The following ADAMTS9 variants were observed in gnomAD, a reference collection of about 807,000 sequenced individuals.
ADAMTS9 encodes the protein ADAM metallopeptidase with thrombospondin type 1 motif 9, also known as A disintegrin and metalloproteinase with thrombospondin motifs 9.
ADAMTS9 carries 107 observed loss-of-function variants against 257.1 expected under a neutral mutation model. That is an observed-to-expected ratio of 0.42 (90% confidence interval 0.36 to 0.49). ADAMTS9 has a LOEUF of 0.49. Among genes scored for constraint, ADAMTS9 ranks in the 20% least tolerant of loss-of-function variants. The pLI, the probability that ADAMTS9 is intolerant of heterozygous loss-of-function variation, is 0.03. For missense variants in ADAMTS9, 2,353 were observed against 2,469.1 expected, an observed-to-expected ratio of 0.95 and a Z score of 1.00; for synonymous variants, 982 against 880.9, an observed-to-expected ratio of 1.11 and a Z score of -2.03.
At chr3:64,536,955 C>A (rs1256053964) in intron 37 of ADAMTS9, among the ~76,000 whole-genome samples, 2 of 152,192 alleles carry the variant, frequency 1.3e-5, no homozygotes, top group Non-Finnish European at 2.9e-5. Flanking sequence ...CATCATTCTG[C>A]TTTGATTTCT....
At chr3:64,630,462 C>T (rs1000826500) in intron 16 of ADAMTS9, among the ~76,000 whole-genome samples, 1 of 152,094 alleles carries the variant, frequency 6.6e-6, no homozygotes, top group Non-Finnish European at 1.5e-5. Flanking sequence ...TGCCTATAGT[C>T]CCAGCTACTC....
At chr3:64,666,463 G>C (rs1701356069) in intron 3 of ADAMTS9, among the ~76,000 whole-genome samples, 2 of 152,178 alleles carry the variant, frequency 1.3e-5, no homozygotes, top group Non-Finnish European at 2.9e-5. Context: ...ACCCCTTTCT[G>C]CTCCACCCAA....
At chr3:64,654,277 T>TAAAAAAAAAAA (rs1701002116) in intron 8 of ADAMTS9, 76 bp downstream of exon 8, 1 of 1,416,232 alleles carries the variant, frequency 7.1e-7, no homozygotes, top group African/African-American at 1.4e-5. Context: ...GAAAGTCAAG[T>TAAAAAAAAAAA]AAATGCTCAC....
chr3:64,658,807 T>G lies in ADAMTS9; in HGVS notation c.680-16A>C. ...TTTTTGTGTTCTGTAACAAATCAGA[T>G]GGTATGCATTACATTTCAAGCCACA... On this transcript the variant is annotated splice_polypyrimidine_tract_variant and intron_variant, in intron 3 of 39. Transcript: ENST00000498707. The G allele has an allele frequency of 6.2e-7, 1 of 1,600,878 alleles. No homozygotes were observed. The highest frequency in any genetic ancestry group is 8.5e-7 in the Non-Finnish European group (1 of 1,173,818).
At chr3:64,544,654 A>G (rs973260319) in intron 32 of ADAMTS9, among the ~76,000 whole-genome samples, 1 of 152,234 alleles carries the variant, frequency 6.6e-6, no homozygotes, top group Non-Finnish European at 1.5e-5. Flanking sequence ...CTAAAACCAT[A>G]AAAACCCTAG....
In ADAMTS9 at chr3:64,622,213, T is replaced by A; in HGVS notation, c.2671A>T (p.Ser891Cys). 6.2e-7 allele frequency: 1 copy of A among 1,613,796 alleles called. No homozygotes were observed. Residue 891 changes from serine (S) to cysteine (C), a missense_variant, in exon 18 of 40, where the codon AGT (serine) becomes TGT (cysteine). Transcript: ENST00000498707. ...AAGCAGATACCTTGGCAGGGTTTAC[T>A]GCATGCTTGCCATGGCCCATGACTG... ...WNSHGPWQAC[S>C]KPCQGERKRK...
rs2084755987 is a variant in ADAMTS9, at chr3:64,616,021, T to C, written c.2963A>G (p.Asn988Ser). The C allele has an allele frequency of 6.2e-7, 1 of 1,613,982 alleles. No homozygotes were observed. The highest frequency in any genetic ancestry group is 8.5e-7 in the Non-Finnish European group (1 of 1,179,966). ...ACATTCCCCTGAGCATTTTTCACGG[T>C]TGCTTGGTTTGGGATGGCTGCTGCA... ...GFCSSHPKPS[N>S]REKCSGECNT... The change falls in exon 20 of 40, where the codon AAC (asparagine) becomes AGC (serine). Residue 988 changes from asparagine (N) to serine (S), a missense_variant. Asn to Ser is a conservative substitution (Grantham distance 46). Coordinates refer to ENST00000498707, the MANE Select transcript of ADAMTS9 (RefSeq NM_182920.2).
At chr3:64,575,334 G>A (rs749496219) in intron 28 of ADAMTS9, among the ~76,000 whole-genome samples, 11 of 152,310 alleles carry the variant, frequency 7.2e-5, no homozygotes, top group Non-Finnish European at 1.5e-4. Flanking sequence ...AGGTCACACA[G>A]CAGGGAAGGA....
intron 6 of ADAMTS9, among the ~76,000 whole-genome samples, chr3:64,655,191 C>T (rs995567412): frequency 6.6e-6 from 1 of 152,226 alleles, no homozygotes; most frequent in Non-Finnish European, 1.5e-5. Context: ...ACGCCAGGTC[C>T]ATCTGAACAG....
At chr3:64,535,271 C>A (rs997889501) in intron 37 of ADAMTS9, among the ~76,000 whole-genome samples, 38 of 152,060 alleles carry the variant, frequency 2.5e-4, no homozygotes, top group African/African-American at 8.2e-4. Flanking sequence ...CCCAGATGCT[C>A]GGGAGACTGA....
intron 28 of ADAMTS9, chr3:64,582,938 C>A (rs1226616589): frequency 6.6e-6 from 1 of 152,148 alleles, no homozygotes; most frequent in South Asian, 2.1e-4. Context: ...CTGACCAATC[C>A]CTAGATACTG....
intron 31 of ADAMTS9, chr3:64,550,668 C>A (rs1008778480): frequency 1.6e-5 from 9 of 554,112 alleles, no homozygotes; most frequent in Non-Finnish European, 1.9e-5. Context: ...AGAATGTAGA[C>A]CTGAAGGGAC....
rs1206107650 is a variant in ADAMTS9 at position 64,535,532 on chromosome 3, A to ATTTTC, written c.5614-2267_5614-2263dup. 3.4e-4 allele frequency among the ~76,000 whole-genome samples: 45 copies of ATTTTC among 133,844 alleles called. 1 individual carries two copies. Among genetic ancestry groups the ATTTTC allele is most frequent in the African/African-American group, 1.2e-3 (42 of 35,678 alleles). The allele number at this position is 133,844 out of a possible 152,430, so 87.8% of individuals were successfully genotyped here. A position where few individuals can be genotyped will look rare whatever the true frequency, so the allele number is the denominator to read the frequency against. On this transcript the variant is annotated intron_variant, in intron 37 of 39. Coordinates refer to ENST00000498707, the MANE Select transcript of ADAMTS9 (RefSeq NM_182920.2). ...TGTATGTTGCATTATTCCATTGGCCATTTTCTTTTCTTTTCTTTTCTTTTT... is the reference window on the plus strand; with the variant it reads ...TGTATGTTGCATTATTCCATTGGCCATTTTCTTTTCTTTTCTTTTCTTTTCTTTTT...
chr3:64,605,546 C>G (rs2084542516), intron 23 of ADAMTS9, among the ~76,000 whole-genome samples: 1 of 152,184 alleles, frequency 6.6e-6, no homozygotes, highest in African/African-American at 2.4e-5. Flanking sequence ...AGTACATCAG[C>G]CACATGGGGC....
At chr3:64,589,036 A>G (rs1388146005) in intron 28 of ADAMTS9, 2 of 152,354 alleles carry the variant, frequency 1.3e-5, no homozygotes, top group African/African-American at 4.8e-5. Flanking sequence ...ATGTTTAAAC[A>G]TGTCTTCATT....
intron 29 of ADAMTS9, among the ~76,000 whole-genome samples, chr3:64,562,634 T>C (rs966744429): frequency 7.9e-5 from 12 of 152,244 alleles, no homozygotes; most frequent in Non-Finnish European, 1.5e-4. Context: ...CACTTAGCTA[T>C]TAAAAATTAT....
chr3:64,568,641 C>A, intron 28 of ADAMTS9, 106 bp from the exon 29 acceptor site: 2 of 1,336,872 alleles, frequency 1.5e-6, no homozygotes, highest in Non-Finnish European at 2.1e-6. Flanking sequence ...CAAGAGTTAC[C>A]ATTCCCCTCT....
At chr3:64,663,419 T>C (rs1215436370) in intron 3 of ADAMTS9, among the ~76,000 whole-genome samples, 1 of 138,948 alleles carries the variant, frequency 7.2e-6, no homozygotes, top group Non-Finnish European at 1.5e-5. Context: ...GGAAATGTTG[T>C]ATGGAATTCT....
chr3:64,623,607 T>C (rs1481261759), intron 16 of ADAMTS9, among the ~76,000 whole-genome samples: 4 of 152,206 alleles, frequency 2.6e-5, no homozygotes, highest in African/African-American at 4.8e-5. Flanking sequence ...CCTGAGATAA[T>C]TTGTTACACA....
Sources: allele counts gnomAD v4.1 joint callset (sites outside exome capture counted in the v4.1 genomes callset), GRCh38; gene constraint gnomAD v4.1.1; transcripts MANE v1.5; gene names NCBI Gene and HGNC (gene_info 2026-07-23, HGNC 2026-07-21).